The following SNX32 variants were observed in gnomAD, a reference collection of about 807,000 sequenced individuals.
SNX32 encodes the protein sorting nexin 32, also known as sorting nexin-32.
A neutral mutation model predicts 57.0 loss-of-function variants in SNX32; 58 were observed. The observed-to-expected ratio is 1.02, with a 90% CI of 0.82 to 1.27. The LOEUF (loss-of-function observed/expected upper bound fraction) is 1.27, where lower values mean the gene tolerates loss of function less well. Ranked by LOEUF, SNX32 falls within the 50% of genes most tolerant of loss-of-function variation. The pLI is 0.00. For missense variants in SNX32, 589 were observed against 541.2 expected, an observed-to-expected ratio of 1.09 and a Z score of -0.88; for synonymous variants, 262 against 220.4, an observed-to-expected ratio of 1.19 and a Z score of -1.67.
chr11:65,838,672 T>C (rs1236435527), intron 1 of SNX32, among the ~76,000 whole-genome samples: 1 of 152,164 alleles, frequency 6.6e-6, no homozygotes, highest in Non-Finnish European at 1.5e-5. Flanking sequence ...CTGCAGAAAA[T>C]ACATTATTTC....
Position 65,849,965 on chromosome 11 carries a change from C to A in SNX32, c.187C>A (p.Gln63Lys). Residue 63 changes from glutamine (Q) to lysine (K), a missense_variant, in exon 3 of 13, where the codon CAG becomes AAG. Coordinates refer to ENST00000308342, the MANE Select transcript of SNX32 (RefSeq NM_152760.3). ...CCAGACCGAGTTCTCAGTCGTGCGG[C>A]AGCACGAGGAGTTCATCTGGCTGCA... ...FAQTEFSVVR[Q>K]HEEFIWLHDA... 1 of 1,604,208 alleles carries A rather than the reference C, an allele frequency of 6.2e-7. No individual in the cohort carries two copies. Among genetic ancestry groups the A allele is most frequent in the Admixed American group, 1.7e-5 (1 of 59,470 alleles).
intron 1 of SNX32, among the ~76,000 whole-genome samples, chr11:65,841,962 A>G (rs913563136): frequency 6.6e-6 from 1 of 152,194 alleles, no homozygotes; most frequent in African/African-American, 2.4e-5. Context: ...AGATTGATCT[A>G]TATATTTGAT....
chr11:65,843,234 A>G (rs932640516), intron 1 of SNX32, among the ~76,000 whole-genome samples: 32 of 150,840 alleles, frequency 2.1e-4, no homozygotes, highest in African/African-American at 7.5e-4. Context: ...AAAAAAAAAA[A>G]AAGAAAAAGA....
chr11:65,853,132 C>A, intron 12 of SNX32, 150 bp from the exon 13 acceptor site: 1 of 1,311,978 alleles, frequency 7.6e-7, no homozygotes, highest in African/African-American at 1.4e-5. Context: ...GGCTCAGGAC[C>A]CGTGCCTTCT....
intron 1 of SNX32, among the ~76,000 whole-genome samples, chr11:65,840,538 C>T (rs1858813211): frequency 6.6e-6 from 1 of 152,140 alleles, no homozygotes; most frequent in African/African-American, 2.4e-5. Context: ...GAAGGTGGCT[C>T]AGGCCTGTAA....
At chr11:65,852,255 C>T (rs1404060677) in intron 9 of SNX32, among the ~76,000 whole-genome samples, 1 of 152,178 alleles carries the variant, frequency 6.6e-6, no homozygotes, top group African/African-American at 2.4e-5. Flanking sequence ...CCTCAGCGCC[C>T]TCTGTCCAGC....
At chr11:65,851,594 C>T (rs778727076) in intron 8 of SNX32, 46 bp from the exon 9 acceptor site, 1 of 1,606,646 alleles carries the variant, frequency 6.2e-7, no homozygotes, top group South Asian at 1.1e-5. Flanking sequence ...AGGCTTTGAG[C>T]TGTTCCTCAG....
chr11:65,840,750 G>A (rs1000645432), intron 1 of SNX32, among the ~76,000 whole-genome samples: 9 of 151,010 alleles, frequency 6.0e-5, no homozygotes, highest in African/African-American at 2.2e-4. Context: ...GCTGCCATGA[G>A]CCAAGATGGC....
In SNX32 at chr11:65,851,410, A is replaced by G; in HGVS notation, c.785+7A>G. 1 of 1,612,156 alleles carries G rather than the reference A, an allele frequency of 6.2e-7. No homozygotes were observed. Among genetic ancestry groups the G allele is most frequent in the Non-Finnish European group, 8.5e-7 (1 of 1,179,488 alleles). ...AAGTCAACCAGCTAAGGACGTGAGG[A>G]CTCCCCCCACCCCTACCCTCTCCCT... is the stretch of plus-strand genomic sequence containing the variant. On this transcript the variant is annotated splice_region_variant and intron_variant, in intron 8 of 12. Transcript: ENST00000308342.
chr11:65,842,949 C>CAAAAAAAAAA (rs922615169), intron 1 of SNX32, among the ~76,000 whole-genome samples: 2 of 41,242 alleles, frequency 4.8e-5, no homozygotes, highest in Non-Finnish European at 9.6e-5. Flanking sequence ...AACTCCATCT[C>CAAAAAAAAAA]AAAAAAAAAA....
At chr11:65,851,271 A>T in intron 7 of SNX32, 57 bp from the exon 8 acceptor site, 1 of 1,609,248 alleles carries the variant, frequency 6.2e-7, no homozygotes, top group Non-Finnish European at 8.5e-7. Context: ...TGTGGCCACA[A>T]GCACCAAGGC....
chr11:65,851,229 A>G lies in SNX32; in HGVS notation c.709+69A>G. 3.1e-6 allele frequency: 5 copies of G among 1,597,078 alleles called. No individual in the cohort carries two copies. In the South Asian group the frequency reaches 5.5e-5, roughly 18 times the overall value. On this transcript the variant is annotated intron_variant, in intron 7 of 12. Coordinates refer to ENST00000308342, the MANE Select transcript of SNX32 (RefSeq NM_152760.3). Reference sequence around the variant, plus strand: ...CCAGCGGTTCAACTCCTTGGGGGAGAGAAGAGAGCAGGGCGTGCCTTGTTG... The same window carrying G: ...CCAGCGGTTCAACTCCTTGGGGGAGGGAAGAGAGCAGGGCGTGCCTTGTTG...
At chr11:65,848,032 A>T (rs780252708) in intron 1 of SNX32, among the ~76,000 whole-genome samples, 2 of 152,302 alleles carry the variant, frequency 1.3e-5, no homozygotes, top group South Asian at 4.1e-4. Context: ...ATCTCCATCC[A>T]GGGAGGAGAC....
At chr11:65,846,506 C>A (rs1858999723) in intron 1 of SNX32, among the ~76,000 whole-genome samples, 2 of 149,310 alleles carry the variant, frequency 1.3e-5, no homozygotes, top group Admixed American at 1.3e-4. Context: ...GCAGAGGTTG[C>A]AGTGAGCTGA....
chr11:65,849,903 G>C lies in SNX32; in HGVS notation c.142-17G>C, dbSNP rs1859113533. ...TTGGGGCAGAGAGAGGACCTCAGTTGGCCTTCCCGCTTCCAGAGCTGCCTC... is the reference window on the plus strand; with the variant it reads ...TTGGGGCAGAGAGAGGACCTCAGTTCGCCTTCCCGCTTCCAGAGCTGCCTC... On this transcript the variant is annotated splice_polypyrimidine_tract_variant and intron_variant, in intron 2 of 12. Transcript: ENST00000308342. The C allele has an allele frequency of 1.3e-6, 2 of 1,547,060 alleles. No homozygotes were observed. The highest frequency in any genetic ancestry group is 2.7e-5 in the African/African-American group (2 of 73,294).
intron 1 of SNX32, among the ~76,000 whole-genome samples, chr11:65,836,269 G>A (rs1050968150): frequency 2.0e-4 from 31 of 152,156 alleles, no homozygotes; most frequent in African/African-American, 7.0e-4. Flanking sequence ...CTGGCCAGGC[G>A]TGGTGGCTCA....
At chr11:65,842,949 C>CAAAAAAA (rs922615169) in intron 1 of SNX32, among the ~76,000 whole-genome samples, 12 of 41,220 alleles carry the variant, frequency 2.9e-4, no homozygotes, top group Non-Finnish European at 3.4e-4. Context: ...AACTCCATCT[C>CAAAAAAA]AAAAAAAAAA....
At chr11:65,847,576 T>C (rs1859036440) in intron 1 of SNX32, among the ~76,000 whole-genome samples, 1 of 152,066 alleles carries the variant, frequency 6.6e-6, no homozygotes, top group African/African-American at 2.4e-5. Context: ...ACACTTAAAA[T>C]TTGTGCACTT....
At chr11:65,840,118 G>C (rs956868803) in intron 1 of SNX32, among the ~76,000 whole-genome samples, 2 of 152,050 alleles carry the variant, frequency 1.3e-5, no homozygotes, top group Admixed American at 6.5e-5. Flanking sequence ...TCGCGCCAGT[G>C]CACTCCAGCC....
Sources: allele counts gnomAD v4.1 joint callset (sites outside exome capture counted in the v4.1 genomes callset), GRCh38; gene constraint gnomAD v4.1.1; transcripts MANE v1.5; gene names NCBI Gene and HGNC (gene_info 2026-07-23, HGNC 2026-07-21).